The following ANO1 variants were observed in gnomAD, a reference collection of about 807,000 sequenced individuals.
ANO1 encodes the protein anoctamin-1.
ANO1 carries 59 observed loss-of-function variants against 124.0 expected under a neutral mutation model. The observed-to-expected ratio is 0.48, with a 90% CI of 0.39 to 0.59. ANO1 has a LOEUF of 0.59. Ranked by LOEUF, ANO1 falls within the 20% of genes least tolerant of loss-of-function variation. ANO1 has a pLI of 0.00. For missense variants in ANO1, 1,059 were observed against 1,328.0 expected (o/e 0.80, Z 3.15); for synonymous variants, 529 against 532.0 (o/e 0.99, Z 0.08).
At chr11:70,153,222 T>C in intron 14 of ANO1, 94 bp downstream of exon 14, 2 of 1,170,060 alleles carry the variant, frequency 1.7e-6, no homozygotes, top group Non-Finnish European at 2.5e-6. Context: ...ACAAATATTG[T>C]AGGCTGTGTA....
chr11:70,159,777 G>A (rs1043165810), intron 16 of ANO1, among the ~76,000 whole-genome samples: 9 of 152,332 alleles, frequency 5.9e-5, no homozygotes, highest in Middle Eastern at 3.4e-3. Flanking sequence ...ATGCTGGCAC[G>A]GGGACAGACA....
At chr11:69,967,412 G>A in the ANO1 span, among the ~76,000 whole-genome samples, 2 of 152,242 alleles carry the variant, frequency 1.3e-5, no homozygotes, top group Non-Finnish European at 2.9e-5. Flanking sequence ...TCAGGTCCTA[G>A]GAGGTTGGTC....
intron 22 of ANO1, among the ~76,000 whole-genome samples, chr11:70,173,919 T>A (rs1480935204): frequency 6.6e-6 from 1 of 151,052 alleles, no homozygotes; most frequent in African/African-American, 2.4e-5. Flanking sequence ...GGCATGCAAA[T>A]TTTTGTTGTG....
At chr11:70,023,611 C>T (rs1856842202) in intron 1 of ANO1, among the ~76,000 whole-genome samples, 1 of 152,198 alleles carries the variant, frequency 6.6e-6, no homozygotes, top group African/African-American at 2.4e-5. Flanking sequence ...GGCTTTTGTT[C>T]TGTCCTGGTT....
chr11:70,125,976 C>T, intron 9 of ANO1, 85 bp from the exon 10 acceptor site: 1 of 1,487,106 alleles, frequency 6.7e-7, no homozygotes. Context: ...GTTTGAGTTG[C>T]TCTTGCTGGG....
Position 70,095,368 on chromosome 11 carries a change from A to AAG in ANO1, c.441+7286_441+7287dup, listed in dbSNP as rs1247067502. On this transcript the variant is annotated intron_variant, in intron 2 of 25. Coordinates refer to ENST00000355303, the MANE Select transcript of ANO1 (RefSeq NM_018043.7). ...AGAAAAAGAAAGAAAGAAAGAAAGAAAGAAAGAAAGAAAGAAAGAAAGAAA... is the reference window on the plus strand; with the variant it reads ...AGAAAAAGAAAGAAAGAAAGAAAGAAAGAGAAAGAAAGAAAGAAAGAAAGAAA... 2.9e-4 allele frequency among the ~76,000 whole-genome samples: 9 copies of AAG among 31,542 alleles called. 2 individuals carry two copies. Among genetic ancestry groups the AAG allele is most frequent in the East Asian group, 5.5e-4 (1 of 1,812 alleles). The allele number at this position is 31,542 out of a possible 152,430, so 20.7% of individuals were successfully genotyped here.
intron 1 of ANO1, among the ~76,000 whole-genome samples, chr11:70,017,506 C>T (rs1431971200): frequency 7.1e-6 from 1 of 140,882 alleles, no homozygotes; most frequent in Non-Finnish European, 1.6e-5. Flanking sequence ...TTCCCTCCCT[C>T]CCTCCCTCCT....
chr11:69,981,044 T>C (rs1180338675), upstream of ANO1, among the ~76,000 whole-genome samples: 4 of 152,140 alleles, frequency 2.6e-5, no homozygotes, highest in Non-Finnish European at 5.9e-5. Flanking sequence ...GGAGCGAGAC[T>C]CCTTTACAAA....
chr11:69,995,100 T>TTG (rs1200871350), intron 1 of ANO1, among the ~76,000 whole-genome samples: 5 of 139,486 alleles, frequency 3.6e-5, no homozygotes, highest in African/African-American at 1.3e-4. Flanking sequence ...ACTGTTTTTT[T>TTG]TTTTTTTTTT....
At chr11:70,130,085 G>A (rs550985825) in intron 10 of ANO1, among the ~76,000 whole-genome samples, 2 of 152,290 alleles carry the variant, frequency 1.3e-5, no homozygotes, top group East Asian at 3.9e-4. Context: ...CATAAGTTCA[G>A]CATATCCAGA....
chr11:70,132,916 G>T (rs924210775), intron 11 of ANO1, among the ~76,000 whole-genome samples: 3 of 151,296 alleles, frequency 2.0e-5, no homozygotes, highest in African/African-American at 7.3e-5. Context: ...TAGGAGATGG[G>T]GCCAGGCACA....
At chr11:70,050,616 A>G (rs782797426) in intron 1 of ANO1, among the ~76,000 whole-genome samples, 38 of 152,010 alleles carry the variant, frequency 2.5e-4, no homozygotes, top group Non-Finnish European at 4.9e-4. Context: ...CGCTGCCCTC[A>G]AGCTTTTCCT....
At position 70,158,967 on chromosome 11, in the gene ANO1, G is replaced by A. The variant is rs928449843; in HGVS notation, c.1578+1946G>A. ...CAGGCTAGGGGGTTGGGAGATAACC[G>A]GAGCCTCCCCATCCCTCACCCAGGG... On this transcript the variant is annotated intron_variant, in intron 16 of 25. Coordinates refer to ENST00000355303, the MANE Select transcript of ANO1 (RefSeq NM_018043.7). Among the ~76,000 whole-genome samples, 5 of 152,078 alleles carry A rather than the reference G, an allele frequency of 3.3e-5. 1 individual carries two copies. In the South Asian group the frequency reaches 6.2e-4, roughly 19 times the overall value.
At chr11:69,966,450 T>G in the ANO1 span, among the ~76,000 whole-genome samples, 1 of 152,170 alleles carries the variant, frequency 6.6e-6, no homozygotes, top group African/African-American at 2.4e-5. Context: ...GGGAGCAGCC[T>G]GGGTCCAGCC....
chr11:70,032,231 G>C lies in ANO1; in HGVS notation c.58+46065G>C, dbSNP rs187448994. On this transcript the variant is annotated intron_variant, in intron 1 of 27. Transcript: ENST00000531349. The stretch of plus-strand genomic sequence containing the variant: ...GGCAGCATGACCCCAGATTAGGTCT[G>C]ATCATCTCCTCTGTCAGGAGAGAAG... Among the ~76,000 whole-genome samples the C allele has an allele frequency of 3.9e-5, 6 of 152,294 alleles. No homozygotes were observed. In the East Asian group the frequency reaches 1.2e-3, roughly 30 times the overall value.
At chr11:70,166,446 G>T (rs2048257635) in intron 20 of ANO1, among the ~76,000 whole-genome samples, 1 of 152,236 alleles carries the variant, frequency 6.6e-6, no homozygotes, top group Non-Finnish European at 1.5e-5. Context: ...ACCACCAGGT[G>T]CCCCCAAGCC....
Position 70,004,460 on chromosome 11 carries a change from A to G in ANO1, c.58+18294A>G, listed in dbSNP as rs76765833. ...CGAGGGAGGTACTGCTCCTTCCCCA[A>G]TTTAAGGTGAGGCAACCTCTCACAT... On this transcript the variant is annotated intron_variant, in intron 1 of 27. Coordinates refer to the ANO1 transcript ENST00000531349. Among the ~76,000 whole-genome samples the G allele has an allele frequency of 1.3e-3, 199 of 152,288 alleles. 1 individual carries two copies. Among genetic ancestry groups the G allele is most frequent in the Non-Finnish European group, 2.1e-3 (140 of 68,020 alleles).
intron 1 of ANO1, among the ~76,000 whole-genome samples, chr11:70,044,208 C>A (rs531006300): frequency 4.3e-4 from 65 of 151,632 alleles, no homozygotes; most frequent in Non-Finnish European, 8.0e-4. Flanking sequence ...GCTAAGAATC[C>A]AACAGTAAAG....
chr11:70,104,768 C>T (rs566851578), intron 4 of ANO1, among the ~76,000 whole-genome samples: 5 of 152,164 alleles, frequency 3.3e-5, no homozygotes, highest in Admixed American at 3.3e-4. Context: ...CATGGGAACC[C>T]AGAGGGACTT....
Sources: allele counts gnomAD v4.1 joint callset (sites outside exome capture counted in the v4.1 genomes callset), GRCh38; gene constraint gnomAD v4.1.1; transcripts MANE v1.5; gene names NCBI Gene and HGNC (gene_info 2026-07-23, HGNC 2026-07-21).